SLC6A19: variants seen among roughly 807,000 people sequenced by gnomAD.
The protein encoded by SLC6A19 is sodium-dependent neutral amino acid transporter B(0)AT1.
In SLC6A19, 67 loss-of-function variants were observed where a neutral mutation model predicts 68.3. That is an observed-to-expected ratio of 0.98 (90% CI 0.81 to 1.20). The LOEUF (loss-of-function observed/expected upper bound fraction) is 1.20. Among genes scored for constraint, SLC6A19 ranks in the 50% most tolerant of loss-of-function variants. The probability of loss-of-function intolerance (pLI) is 0.00; values close to 1 mark genes in which losing one functional copy is unlikely to be tolerated. For synonymous variants in SLC6A19, 392 were observed against 374.9 expected (o/e 1.05, Z -0.53); for missense variants, 813 against 851.6 (o/e 0.95, Z 0.56).
rs754219787 is a variant in SLC6A19, at chr5:1,213,450, C to T, written c.664-13C>T. On this transcript the variant is annotated splice_polypyrimidine_tract_variant and intron_variant, in intron 4 of 11. Transcript: ENST00000304460. The stretch of plus-strand genomic sequence containing the variant: ...CAACTTCCCGCCCATCCCACATGTC[C>T]CGCCCTCCGCAGGCCGTGTACATCA... The T allele has an allele frequency of 8.9e-6, 14 of 1,577,968 alleles. No homozygotes were observed. The highest frequency in any genetic ancestry group is 7.6e-5 in the African/African-American group (5 of 66,146).
At chr5:1,205,662 G>A (rs961930060) in intron 1 of SLC6A19, among the ~76,000 whole-genome samples, 2 of 152,352 alleles carry the variant, frequency 1.3e-5, no homozygotes, top group African/African-American at 4.8e-5. Flanking sequence ...TTTAGGGTTA[G>A]GGCATAGTGG....
At chr5:1,218,022 C>G (rs973006198) in intron 8 of SLC6A19, among the ~76,000 whole-genome samples, 5 of 151,944 alleles carry the variant, frequency 3.3e-5, no homozygotes, top group Non-Finnish European at 4.4e-5. Context: ...CTCCCGCCAC[C>G]TCCCACCACC....
At chr5:1,204,424 G>C (rs1372475965) in intron 1 of SLC6A19, among the ~76,000 whole-genome samples, 1 of 152,230 alleles carries the variant, frequency 6.6e-6, no homozygotes, top group Admixed American at 6.5e-5. Context: ...CCCGAGGGTG[G>C]TGCTGGGGGC....
chr5:1,205,668 AG>A (rs1745833136), intron 1 of SLC6A19, among the ~76,000 whole-genome samples: 2 of 152,230 alleles, frequency 1.3e-5, no homozygotes, highest in South Asian at 4.1e-4. Context: ...GTTAGGGCAT[AG>A]TGGAGGGAAG....
At chr5:1,203,978 G>A (rs1039399856) in intron 1 of SLC6A19, among the ~76,000 whole-genome samples, 1 of 152,186 alleles carries the variant, frequency 6.6e-6, no homozygotes, top group African/African-American at 2.4e-5. Context: ...GGGCCTCATG[G>A]GCACCAAAAC....
In SLC6A19 at chr5:1,201,601, C is replaced by G; in HGVS notation, c.-50C>G. The G allele has an allele frequency of 6.3e-7, 1 of 1,575,032 alleles. No individual in the cohort carries two copies. Among genetic ancestry groups the G allele is most frequent in the Non-Finnish European group, 8.6e-7 (1 of 1,167,106 alleles). ...CGGCTCCCGGCCCACGGCCACTCGC[C>G]CTCCAGCTTCTGCCCTGCCTGCTGT... On this transcript the variant is annotated 5_prime_UTR_variant, in exon 1 of 12. Transcript: ENST00000304460.
Position 1,208,869 on chromosome 5 carries a change from C to A in SLC6A19, c.326C>A (p.Pro109Gln), listed in dbSNP as rs752378013. The A allele has an allele frequency of 3.7e-6, 6 of 1,612,360 alleles. No homozygotes were observed. Among genetic ancestry groups the A allele is most frequent in the Non-Finnish European group, 5.1e-6 (6 of 1,179,804 alleles). Reference sequence around the variant, plus strand: ...CTGGGTGTGTGGAGCTCCATCCACCCGGCCCTGAAGGGCCTAGGTGAGTGC... The same window carrying A: ...CTGGGTGTGTGGAGCTCCATCCACCAGGCCCTGAAGGGCCTAGGTGAGTGC... ...GSLGVWSSIH[P>Q]ALKGLGLASM... Residue 109 changes from proline (P) to glutamine (Q), a missense_variant, in exon 2 of 12, where the codon CCG becomes CAG. Transcript: ENST00000304460.
intron 1 of SLC6A19, among the ~76,000 whole-genome samples, chr5:1,208,490 G>A (rs543201401): frequency 3.3e-5 from 5 of 152,170 alleles, no homozygotes; most frequent in Non-Finnish European, 7.3e-5. Context: ...CTTAACGACA[G>A]CAACGTCCAG....
At chr5:1,211,599 T>C (rs1045960394) in intron 3 of SLC6A19, among the ~76,000 whole-genome samples, 1 of 152,110 alleles carries the variant, frequency 6.6e-6, no homozygotes, top group African/African-American at 2.4e-5. Flanking sequence ...GTGTACCAGA[T>C]GTGTATGCAA....
At position 1,210,155 on chromosome 5, in the gene SLC6A19, C is replaced by T. The variant is rs116042673; in HGVS notation, c.344-289C>T. ...TGGAGGCTGCACTGGGCAGGTGAGA[C>T]CCATGCCTGGGGCAAGCCAGGCAGG... is the stretch of plus-strand genomic sequence containing the variant. On this transcript the variant is annotated intron_variant, in intron 2 of 11. Transcript: ENST00000304460. Among the ~76,000 whole-genome samples, 388 of 152,372 alleles carry T rather than the reference C, an allele frequency of 2.5e-3. 4 individuals carry two copies. Among genetic ancestry groups the T allele is most frequent in the African/African-American group, 8.7e-3 (362 of 41,590 alleles).
Position 1,214,770 on chromosome 5 carries a change from G to A in SLC6A19, c.887+705G>A, listed in dbSNP as rs1331752682. The stretch of plus-strand genomic sequence containing the variant: ...CAGGGTGGCCCTCCAGGCTGTGAAG[G>A]TGCGATTGGAGTCAGACACAGGGGA... On this transcript the variant is annotated intron_variant, in intron 6 of 11. Coordinates refer to ENST00000304460, the MANE Select transcript of SLC6A19 (RefSeq NM_001003841.3). The surrounding 1 kb of genome is among the most constrained non-coding windows in gnomAD (Gnocchi z 7.4). 1.3e-5 allele frequency among the ~76,000 whole-genome samples: 2 copies of A among 151,284 alleles called. No homozygotes were observed. The highest frequency in any genetic ancestry group is 3.0e-5 in the Non-Finnish European group (2 of 67,736).
rs374527866 is a variant in SLC6A19, at chr5:1,221,151, G to T, written c.1539G>T (p.Arg513Ser). Residue 513 changes from arginine to serine, a missense_variant and splice_region_variant, in exon 11 of 12, where the codon AGG becomes AGT. Arg to Ser is a moderately radical substitution (Grantham distance 110). Transcript: ENST00000304460. ...TGACAGCTGTCTCTGGCCTTGGCAG[G>T]TTCAATAAGGACATCGAGTTCATGA... ...FSVVYVYGVD[R>S]FNKDIEFMIG... 63 of 1,613,366 alleles carry T rather than the reference G, an allele frequency of 3.9e-5. No homozygotes were observed. Among genetic ancestry groups the T allele is most frequent in the East Asian group, 2.7e-4 (12 of 44,870 alleles).
chr5:1,206,776 G>A (rs2126494916), intron 1 of SLC6A19, among the ~76,000 whole-genome samples: 1 of 152,256 alleles, frequency 6.6e-6, no homozygotes, highest in East Asian at 1.9e-4. Flanking sequence ...CCAGTGTCAT[G>A]TGAGCATCCC....
intron 8 of SLC6A19, among the ~76,000 whole-genome samples, 164 bp downstream of exon 8, chr5:1,217,109 G>A (rs1180968836): frequency 1.2e-4 from 18 of 152,260 alleles, no homozygotes; most frequent in Admixed American, 9.8e-4. Flanking sequence ...GGGCTCTTCG[G>A]TCTGGGGCGC....
rs184024864 is a variant in SLC6A19 at position 1,209,825 on chromosome 5, T to G, written c.344-619T>G. ...CTCTTCCCCATCTCACACTCACATA[T>G]TCACAACACACATTTGGTTTTGAGT... On this transcript the variant is annotated intron_variant, in intron 2 of 11. Transcript: ENST00000304460. This position sits in a 1 kb window ranked among gnomAD's most constrained non-coding sequence, Gnocchi z 5.5. 6.6e-6 allele frequency among the ~76,000 whole-genome samples: 1 copy of G among 152,140 alleles called. No homozygotes were observed. Among genetic ancestry groups the G allele is most frequent in the African/African-American group, 2.4e-5 (1 of 41,436 alleles).
chr5:1,219,496 G>A lies in SLC6A19; in HGVS notation c.1379-9G>A, dbSNP rs80151745. Reference sequence around the variant, plus strand: ...GGGCGTGTGAGCAGCTCTGTCCCCCGGCCTGCAGGCCTCATCTGCCTGGGG... The same window carrying A: ...GGGCGTGTGAGCAGCTCTGTCCCCCAGCCTGCAGGCCTCATCTGCCTGGGG... On this transcript the variant is annotated splice_polypyrimidine_tract_variant and intron_variant, in intron 9 of 11. Coordinates refer to ENST00000304460, the MANE Select transcript of SLC6A19 (RefSeq NM_001003841.3). 8 of 1,610,042 alleles carry A rather than the reference G, an allele frequency of 5.0e-6. No individual in the cohort carries two copies. The highest frequency in any genetic ancestry group is 3.3e-5 in the South Asian group (3 of 91,084).
In SLC6A19 at chr5:1,201,863, CG is replaced by C; in HGVS notation, c.202+14del. Reference sequence around the variant, plus strand: ...AGAGCCACGGAGGAGGTAGGCTGGCCGGGCGGGGCTGCGGGCGAGGCCGTGG... The same window carrying C: ...AGAGCCACGGAGGAGGTAGGCTGGCCGGCGGGGCTGCGGGCGAGGCCGTGG... On this transcript the variant is annotated intron_variant, in intron 1 of 11. Coordinates refer to ENST00000304460, the MANE Select transcript of SLC6A19 (RefSeq NM_001003841.3). 1 of 1,606,734 alleles carries C rather than the reference CG, an allele frequency of 6.2e-7. No homozygotes were observed. The highest frequency in any genetic ancestry group is 1.7e-5 in the Admixed American group (1 of 59,954).
intron 8 of SLC6A19, among the ~76,000 whole-genome samples, chr5:1,217,923 C>T (rs1746252139): frequency 6.6e-6 from 1 of 152,176 alleles, no homozygotes; most frequent in South Asian, 2.1e-4. Flanking sequence ...CAGAAAGAAA[C>T]CCCCGTGGTG....
intron 10 of SLC6A19, among the ~76,000 whole-genome samples, chr5:1,220,342 G>A (rs914220486): frequency 1.3e-5 from 2 of 149,658 alleles, no homozygotes; most frequent in Admixed American, 6.7e-5. Context: ...CCTGGGAGGT[G>A]TAGGTTGCAG....
Sources: gnomAD v4.1 joint callset for allele counts (sites outside exome capture counted in the v4.1 genomes callset) on GRCh38, gnomAD v4.1.1 for gene constraint, Gnocchi (gnomAD v3.1) non-coding constraint, MANE v1.5 for transcripts, NCBI Gene and HGNC (gene_info 2026-07-23, HGNC 2026-07-21) for gene names.